Variants in BDP1 observed in about 807,000 individuals in gnomAD.
The protein encoded by BDP1 is transcription factor TFIIIB component B'' homolog.
Under a neutral mutation model 266.6 loss-of-function variants are expected in BDP1, and 169 were observed. The ratio of observed to expected loss-of-function variants is 0.63; its 90% CI spans 0.56 to 0.72. BDP1 has a LOEUF of 0.72. Among genes scored for constraint, BDP1 ranks in the 30% least tolerant of loss-of-function variants. The probability of loss-of-function intolerance (pLI) is 0.00; values close to 1 mark genes in which losing one functional copy is unlikely to be tolerated. For synonymous variants in BDP1, 1,090 were observed against 1,022.4 expected (o/e 1.07, Z -1.26); for missense variants, 3,015 against 3,053.8 (o/e 0.99, Z 0.30).
At chr5:71,545,278 AAAAG>A (rs1191179002) in intron 32 of BDP1, 59 bp downstream of exon 32, 1 of 1,448,544 alleles carries the variant, frequency 6.9e-7, no homozygotes, top group Non-Finnish European at 9.5e-7. Context: ...TTTAAAAAAA[AAAAG>A]GTATAATTTA....
Position 71,461,218 on chromosome 5 carries a change from G to A in BDP1, c.490-599G>A, listed in dbSNP as rs182286669. Among the ~76,000 whole-genome samples, 50 of 152,122 alleles carry A rather than the reference G, an allele frequency of 3.3e-4. 1 individual carries two copies. The highest frequency in any genetic ancestry group is 2.6e-3 in the Admixed American group (40 of 15,282). ...AGGCTGGTAACTCCTGAGCTCAAGC[G>A]ATCCTCCTGCCTCAGCCTCCCAAAG... On this transcript the variant is annotated intron_variant, in intron 2 of 38. Transcript: ENST00000358731.
At chr5:71,487,753 T>A (rs1763354179) in intron 9 of BDP1, among the ~76,000 whole-genome samples, 2 of 152,094 alleles carry the variant, frequency 1.3e-5, no homozygotes, top group Middle Eastern at 6.3e-3. Flanking sequence ...ATACAAAAAT[T>A]TCGGATTTTC....
At chr5:71,501,164 A>G (rs1272860513) in intron 13 of BDP1, among the ~76,000 whole-genome samples, 1 of 152,100 alleles carries the variant, frequency 6.6e-6, no homozygotes, top group Non-Finnish European at 1.5e-5. Flanking sequence ...TAGAAGTACA[A>G]AAAATGAAGT....
intron 38 of BDP1, among the ~76,000 whole-genome samples, chr5:71,564,191 T>C (rs1158370511): frequency 6.6e-6 from 1 of 152,164 alleles, no homozygotes; most frequent in East Asian, 1.9e-4. Flanking sequence ...TCTAGTCTTC[T>C]GTTTCATTGA....
intron 7 of BDP1, among the ~76,000 whole-genome samples, chr5:71,473,329 C>T (rs1561679544): frequency 8.5e-6 from 1 of 118,010 alleles, no homozygotes; most frequent in East Asian, 2.7e-4. Flanking sequence ...GGCTGGAGTG[C>T]AGTGGTGACA....
At chr5:71,527,383 T>C (rs1765954398) in intron 25 of BDP1, among the ~76,000 whole-genome samples, 1 of 152,192 alleles carries the variant, frequency 6.6e-6, no homozygotes, top group Non-Finnish European at 1.5e-5. Flanking sequence ...GAACTCTTTT[T>C]ATTTTGTTAA....
chr5:71,519,325 ATTTT>A (rs2150499198), intron 22 of BDP1, among the ~76,000 whole-genome samples: 1 of 152,260 alleles, frequency 6.6e-6, no homozygotes, highest in African/African-American at 2.4e-5. Flanking sequence ...TGGCAACATA[ATTTT>A]CTAGCTATTT....
intron 37 of BDP1, among the ~76,000 whole-genome samples, chr5:71,561,595 A>G (rs1433579754): frequency 1.3e-5 from 2 of 152,198 alleles, no homozygotes; most frequent in Non-Finnish European, 2.9e-5. Flanking sequence ...CATAGACCAT[A>G]TGTAAACAGA....
At chr5:71,476,786 C>G (rs1180657004) in intron 7 of BDP1, among the ~76,000 whole-genome samples, 3 of 152,160 alleles carry the variant, frequency 2.0e-5, no homozygotes, top group African/African-American at 7.2e-5. Flanking sequence ...TCACTGCAAG[C>G]TCCGCCTCCC....
Position 71,560,546 on chromosome 5 carries a change from T to C in BDP1, c.7496+309T>C, listed in dbSNP as rs139393757. Among the ~76,000 whole-genome samples the C allele has an allele frequency of 4.2e-3, 644 of 152,344 alleles. 5 individuals carry two copies. Among genetic ancestry groups the C allele is most frequent in the African/African-American group, 0.015 (610 of 41,586 alleles). On this transcript the variant is annotated intron_variant, in intron 37 of 38. Transcript: ENST00000358731. ...ATCTACCATGTTCAGTAGCTACTAA[T>C]GCACATATGTATGGATGCTGACATC...
intron 11 of BDP1, chr5:71,494,635 T>G (rs1292926750): frequency 1.3e-5 from 2 of 152,252 alleles, no homozygotes; most frequent in Non-Finnish European, 2.9e-5. Flanking sequence ...TATATAAATT[T>G]TAATGAAAGC....
At chr5:71,468,054 T>C (rs1222865830) in intron 6 of BDP1, among the ~76,000 whole-genome samples, 1 of 152,104 alleles carries the variant, frequency 6.6e-6, no homozygotes, top group African/African-American at 2.4e-5. Context: ...GTTTCCCTCT[T>C]GTTGCCCAGG....
chr5:71,517,923 A>G (rs956468644), intron 22 of BDP1, among the ~76,000 whole-genome samples: 1 of 152,186 alleles, frequency 6.6e-6, no homozygotes, highest in Non-Finnish European at 1.5e-5. Flanking sequence ...AATAAAAAAA[A>G]GAAAAGAAGT....
intron 13 of BDP1, among the ~76,000 whole-genome samples, chr5:71,497,805 G>T (rs1763983464): frequency 6.6e-6 from 1 of 152,132 alleles, no homozygotes. Flanking sequence ...CTGAGACAGG[G>T]TCTTGCTCTA....
chr5:71,477,624 CT>C (rs763593620), intron 7 of BDP1, among the ~76,000 whole-genome samples: 112 of 143,196 alleles, frequency 7.8e-4, no homozygotes, highest in Middle Eastern at 3.6e-3. Context: ...CAAATTTTTT[CT>C]TTTTTTTTTT....
At chr5:71,574,324 T>C in the BDP1 span, among the ~76,000 whole-genome samples, 1 of 152,188 alleles carries the variant, frequency 6.6e-6, no homozygotes, top group Non-Finnish European at 1.5e-5. Context: ...ACTGGGCTAA[T>C]CAGTGCCGCT....
chr5:71,554,302 A>G (rs892009379), intron 35 of BDP1, among the ~76,000 whole-genome samples: 3 of 152,110 alleles, frequency 2.0e-5, no homozygotes, highest in African/African-American at 7.2e-5. Flanking sequence ...CCCACTTTTC[A>G]ATTAGATTAT....
intron 7 of BDP1, among the ~76,000 whole-genome samples, 187 bp downstream of exon 7, chr5:71,470,676 C>T (rs1347213038): frequency 2.6e-5 from 4 of 151,730 alleles, no homozygotes; most frequent in Non-Finnish European, 5.9e-5. Flanking sequence ...GCAACCTCTG[C>T]CTCCGGGTTC....
At chr5:71,558,376 A>G (rs2112063715) in intron 36 of BDP1, among the ~76,000 whole-genome samples, 1 of 151,530 alleles carries the variant, frequency 6.6e-6, no homozygotes, top group African/African-American at 2.4e-5. Context: ...ACAAAAAATT[A>G]GCCAGGCGTG....
Sources: allele counts gnomAD v4.1 joint callset (sites outside exome capture counted in the v4.1 genomes callset), GRCh38; gene constraint gnomAD v4.1.1; transcripts MANE v1.5; gene names NCBI Gene and HGNC (gene_info 2026-07-23, HGNC 2026-07-21).